The following TMPRSS11E variants were observed in gnomAD, a reference collection of about 807,000 sequenced individuals.
TMPRSS11E encodes transmembrane serine protease 11E.
TMPRSS11E carries 38 observed loss-of-function variants against 48.1 expected under a neutral mutation model. That is an observed-to-expected ratio of 0.79 (90% CI 0.61 to 1.04). The LOEUF (loss-of-function observed/expected upper bound fraction) is 1.04. Ranked by LOEUF, TMPRSS11E falls within the 50% of genes least tolerant of loss-of-function variation. TMPRSS11E has a pLI of 0.00. For missense variants in TMPRSS11E, 530 were observed against 510.8 expected (o/e 1.04, Z -0.36); for synonymous variants, 158 against 171.9 (o/e 0.92, Z 0.63).
chr4:68,494,436 T>A (rs1205505332), intron 9 of TMPRSS11E, among the ~76,000 whole-genome samples: 1 of 152,198 alleles, frequency 6.6e-6, no homozygotes, highest in Non-Finnish European at 1.5e-5. Flanking sequence ...TCCTAGACTA[T>A]TTTCCCACTT....
intron 9 of TMPRSS11E, among the ~76,000 whole-genome samples, chr4:68,490,441 C>T (rs1363876126): frequency 6.6e-6 from 1 of 152,112 alleles, no homozygotes; most frequent in Non-Finnish European, 1.5e-5. Context: ...CATTGTGATG[C>T]AGAGGGAGGG....
chr4:68,493,256 T>A (rs1729779562), intron 9 of TMPRSS11E, among the ~76,000 whole-genome samples: 1 of 151,990 alleles, frequency 6.6e-6, no homozygotes, highest in Admixed American at 6.6e-5. Flanking sequence ...AATCCCCTCA[T>A]CCCCTTTCCC....
At chr4:68,451,351 G>T (rs997610479) in intron 1 of TMPRSS11E, among the ~76,000 whole-genome samples, 1 of 151,834 alleles carries the variant, frequency 6.6e-6, no homozygotes, top group African/African-American at 2.4e-5. Flanking sequence ...GAGAAGGAAG[G>T]TTTTAAGAGG....
At chr4:68,450,929 G>A (rs957307023) in intron 1 of TMPRSS11E, among the ~76,000 whole-genome samples, 6 of 151,908 alleles carry the variant, frequency 3.9e-5, no homozygotes, top group African/African-American at 1.4e-4. Flanking sequence ...GTAGCTGTCT[G>A]CTAAATGAAT....
At chr4:68,495,745 G>A (rs186995861) in intron 9 of TMPRSS11E, among the ~76,000 whole-genome samples, 82 of 152,244 alleles carry the variant, frequency 5.4e-4, no homozygotes, top group African/African-American at 1.9e-3. Flanking sequence ...TGATTAGCAC[G>A]TGATCTCAGG....
intron 5 of TMPRSS11E, 23 bp from the exon 6 acceptor site, chr4:68,474,700 T>A: frequency 6.2e-7 from 1 of 1,606,452 alleles, no homozygotes. Context: ...GCTGACCCTA[T>A]TTGCCATTTC....
At chr4:68,471,354 C>G in intron 4 of TMPRSS11E, 106 bp from the exon 5 acceptor site, 1 of 662,360 alleles carries the variant, frequency 1.5e-6, no homozygotes, top group Non-Finnish European at 2.3e-6. Flanking sequence ...TCTTTCCTCC[C>G]TCCCTCCTTT....
chr4:68,457,502 A>G (rs1045771981), intron 1 of TMPRSS11E, among the ~76,000 whole-genome samples: 4 of 152,178 alleles, frequency 2.6e-5, no homozygotes, highest in Admixed American at 6.5e-5. Context: ...TTCCTCAAGG[A>G]TCTAGAACCA....
At chr4:68,488,265 C>T (rs1729618346) in intron 9 of TMPRSS11E, among the ~76,000 whole-genome samples, 1 of 152,130 alleles carries the variant, frequency 6.6e-6, no homozygotes. Flanking sequence ...TTCCAAGTTG[C>T]TTGCTCTCTC....
At chr4:68,483,497 ATTTG>A (rs1729467158) in intron 9 of TMPRSS11E, among the ~76,000 whole-genome samples, 1 of 151,718 alleles carries the variant, frequency 6.6e-6, no homozygotes, top group South Asian at 2.1e-4. Context: ...TTGCTTGTTG[ATTTG>A]TTTAAGATTT....
intron 9 of TMPRSS11E, among the ~76,000 whole-genome samples, chr4:68,483,612 C>G (rs3109118): frequency 0.94 from 142,640 of 152,238 alleles, 67,455 homozygotes; most frequent in Non-Finnish European, 1. Flanking sequence ...AGTTTATTTT[C>G]CTGTGCAGAA....
chr4:68,492,521 CCAACTGTAGTGCCAAAGTATAGTG>C (rs1198337323), intron 9 of TMPRSS11E, among the ~76,000 whole-genome samples: 1 of 152,078 alleles, frequency 6.6e-6, no homozygotes, highest in Non-Finnish European at 1.5e-5. Context: ...AAAATAGTCC[CCAACTGTAGTGCCAAAGTATAGTG>C]CAAGAAGGTT....
At position 68,478,980 on chromosome 4, in the gene TMPRSS11E, G is replaced by A. The variant is rs1729325912; in HGVS notation, c.1099G>A (p.Asp367Asn). The A allele has an allele frequency of 3.1e-6, 5 of 1,613,370 alleles. No homozygotes were observed. Among genetic ancestry groups the A allele is most frequent in the South Asian group, 1.1e-5 (1 of 90,974 alleles). The change falls in exon 9 of 10, where the codon GAT becomes AAT. Residue 367 changes from aspartate (D) to asparagine (N), a missense_variant. Asp to Asn is a conservative substitution (Grantham distance 23). Coordinates refer to ENST00000305363, the MANE Select transcript of TMPRSS11E (RefSeq NM_014058.4). Reference protein sequence around the residue: ...LCAGSLEGKTDACQGDSGGPL... With the variant: ...LCAGSLEGKTNACQGDSGGPL... ...TGCTGGCTCCTTAGAAGGAAAAACAGATGCATGCCAGGTAAACAGTTTTGC... is the reference window on the plus strand; with the variant it reads ...TGCTGGCTCCTTAGAAGGAAAAACAAATGCATGCCAGGTAAACAGTTTTGC...
chr4:68,494,386 T>A (rs982579440), intron 9 of TMPRSS11E, among the ~76,000 whole-genome samples: 1 of 152,210 alleles, frequency 6.6e-6, no homozygotes, highest in Non-Finnish European at 1.5e-5. Context: ...TATTAGAGTT[T>A]TTTTTACTCT....
At chr4:68,487,623 A>G (rs1186653106) in intron 9 of TMPRSS11E, among the ~76,000 whole-genome samples, 1 of 152,092 alleles carries the variant, frequency 6.6e-6, no homozygotes, top group East Asian at 1.9e-4. Flanking sequence ...TGGTGGTAAT[A>G]AATTCCCTTA....
chr4:68,496,882 T>A lies in TMPRSS11E; in HGVS notation c.*78T>A. 1.4e-6 allele frequency: 2 copies of A among 1,394,926 alleles called. No homozygotes were observed. Among genetic ancestry groups the A allele is most frequent in the Non-Finnish European group, 2.0e-6 (2 of 1,020,534 alleles). The allele number at this position is 1,394,926 out of a possible 1,614,324, so 86.4% of individuals were successfully genotyped here. ...GAGGCCATTTTTAGAGATACAGAAT[T>A]GGAGAAGACTTGCAAAACAGCTAGA... On this transcript the variant is annotated 3_prime_UTR_variant, in exon 10 of 10. Transcript: ENST00000305363.
intron 9 of TMPRSS11E, among the ~76,000 whole-genome samples, chr4:68,496,215 C>T (rs756020447): frequency 3.0e-4 from 46 of 151,980 alleles, no homozygotes; most frequent in Non-Finnish European, 5.6e-4. Flanking sequence ...TGGTGTCTGA[C>T]TCTAATGTCT....
At chr4:68,491,248 G>C (rs972886759) in intron 9 of TMPRSS11E, among the ~76,000 whole-genome samples, 1 of 140,400 alleles carries the variant, frequency 7.1e-6, no homozygotes, top group Non-Finnish European at 1.5e-5. Context: ...ACTTGCACTT[G>C]TTGGCAGGTT....
chr4:68,476,018 T>C (rs1025099029), intron 6 of TMPRSS11E, among the ~76,000 whole-genome samples: 1 of 152,158 alleles, frequency 6.6e-6, no homozygotes, highest in Non-Finnish European at 1.5e-5. Context: ...CTAATCCAGA[T>C]TGGAGACAGG....
Sources: gnomAD v4.1 joint callset for allele counts (sites outside exome capture counted in the v4.1 genomes callset) on GRCh38, gnomAD v4.1.1 for gene constraint, MANE v1.5 for transcripts, NCBI Gene and HGNC (gene_info 2026-07-23, HGNC 2026-07-21) for gene names.